MCC: variants seen among roughly 807,000 people sequenced by gnomAD.
MCC encodes MCC regulator of Wnt signaling pathway, also known as colorectal mutant cancer protein.
Under a neutral mutation model 116.2 loss-of-function variants are expected in MCC, and 90 were observed. That is an observed-to-expected ratio of 0.77 (90% confidence interval 0.65 to 0.92). The LOEUF (loss-of-function observed/expected upper bound fraction) is 0.92. Among genes scored for constraint, MCC ranks in the 40% least tolerant of loss-of-function variants. The pLI, the probability that MCC is intolerant of heterozygous loss-of-function variation, is 0.00. For synonymous variants in MCC, 578 were observed against 510.5 expected, an observed-to-expected ratio of 1.13 and a Z score of -1.78; for missense variants, 1,516 against 1,312.2, an observed-to-expected ratio of 1.16 and a Z score of -2.40.
intron 8 of MCC, among the ~76,000 whole-genome samples, chr5:113,094,423 CTTTTTTTT>C (rs397798890): frequency 7.4e-6 from 1 of 134,766 alleles, no homozygotes; most frequent in Admixed American, 7.4e-5. Context: ...GGCAATCTTC[CTTTTTTTT>C]TTTTTTTTGA....
At chr5:113,408,558 G>A (rs147729647) in intron 1 of MCC, among the ~76,000 whole-genome samples, 48 of 152,276 alleles carry the variant, frequency 3.2e-4, no homozygotes, top group African/African-American at 1.1e-3. Context: ...TAGCGCTGAG[G>A]TTCTTAAAAT....
intron 5 of MCC, among the ~76,000 whole-genome samples, chr5:113,136,402 T>C (rs1174337890): frequency 6.6e-6 from 1 of 152,228 alleles, no homozygotes; most frequent in African/African-American, 2.4e-5. Context: ...AGACATCTTC[T>C]GATAAGATTC....
In MCC at chr5:113,457,635, T is replaced by C. The variant is rs1010807019; in HGVS notation, c.170+30610A>G. 1.9e-3 allele frequency among the ~76,000 whole-genome samples: 294 copies of C among 152,238 alleles called. 1 individual carries two copies. Among genetic ancestry groups the C allele is most frequent in the African/African-American group, 6.8e-3 (284 of 41,510 alleles). On this transcript the variant is annotated intron_variant, in intron 1 of 18. Coordinates refer to ENST00000408903, the MANE Select transcript of MCC (RefSeq NM_001085377.2). ...AGTCTGGTGGGGCCTTGGAGAACCT[T>C]TATGTCTAGCTCAGGGATTGTAAAT...
At chr5:113,122,439 C>A (rs140158686) in intron 6 of MCC, among the ~76,000 whole-genome samples, 1 of 152,152 alleles carries the variant, frequency 6.6e-6, no homozygotes, top group Non-Finnish European at 1.5e-5. Context: ...AAACTGGTTC[C>A]CTACTTCCAG....
At chr5:113,207,482 A>G (rs1762960990) in intron 3 of MCC, among the ~76,000 whole-genome samples, 1 of 151,984 alleles carries the variant, frequency 6.6e-6, no homozygotes. Flanking sequence ...GGGCGGGGGC[A>G]GTGTATCTGG....
Position 113,454,699 on chromosome 5 carries a change from A to C in MCC, c.170+33546T>G, listed in dbSNP as rs578198194. ...TTGCTCTATAAGGACAGACTTAAAG[A>C]AGTCCATCAACTATAAAATTTATTA... is the stretch of plus-strand genomic sequence containing the variant. On this transcript the variant is annotated intron_variant, in intron 1 of 18. Transcript: ENST00000408903. 4.2e-4 allele frequency among the ~76,000 whole-genome samples: 64 copies of C among 152,348 alleles called. No individual in the cohort carries two copies. In the Middle Eastern group the frequency reaches 0.01, roughly 24 times the overall value.
chr5:113,214,071 A>C (rs906257514), intron 3 of MCC, among the ~76,000 whole-genome samples: 2 of 151,742 alleles, frequency 1.3e-5, no homozygotes, highest in Admixed American at 1.3e-4. Context: ...CCCTCCTCCC[A>C]CCCCTGTCCC....
chr5:113,453,899 T>C (rs969342852), intron 1 of MCC, among the ~76,000 whole-genome samples: 26 of 152,006 alleles, frequency 1.7e-4, no homozygotes, highest in African/African-American at 6.0e-4. Flanking sequence ...TCACCTGAGG[T>C]TGGGAGTTCG....
chr5:113,308,608 A>G (rs907633813), intron 3 of MCC, among the ~76,000 whole-genome samples: 1 of 152,174 alleles, frequency 6.6e-6, no homozygotes, highest in African/African-American at 2.4e-5. Context: ...GGATTGCTTG[A>G]GCCCAGGAGT....
At chr5:113,133,040 G>C (rs910835833) in intron 5 of MCC, among the ~76,000 whole-genome samples, 1 of 151,912 alleles carries the variant, frequency 6.6e-6, no homozygotes. Flanking sequence ...GGATAGATAC[G>C]TATTTTCAGG....
intron 3 of MCC, among the ~76,000 whole-genome samples, chr5:113,217,260 T>C (rs150422160): frequency 5.3e-5 from 8 of 152,232 alleles, no homozygotes; most frequent in Non-Finnish European, 1.0e-4. Flanking sequence ...CTAGTGGTGA[T>C]ACTAAATTGA....
chr5:113,108,153 T>A (rs1057377239), intron 6 of MCC, among the ~76,000 whole-genome samples: 3 of 151,622 alleles, frequency 2.0e-5, no homozygotes, highest in South Asian at 2.1e-4. Context: ...AAGACTGGCC[T>A]GGCCAATATT....
intron 3 of MCC, among the ~76,000 whole-genome samples, chr5:113,329,198 A>G (rs762297803): frequency 3.3e-5 from 5 of 152,192 alleles, no homozygotes; most frequent in Non-Finnish European, 5.9e-5. Flanking sequence ...TAAATCCCCA[A>G]TGAATATTAG....
chr5:113,078,692 A>G (rs182271229), intron 11 of MCC, among the ~76,000 whole-genome samples: 1 of 152,350 alleles, frequency 6.6e-6, no homozygotes, highest in African/African-American at 2.4e-5. Context: ...ACAAACCCAC[A>G]GCCAATATCA....
chr5:113,420,352 C>A (rs1461485922), intron 1 of MCC, among the ~76,000 whole-genome samples: 1 of 152,054 alleles, frequency 6.6e-6, no homozygotes. Context: ...ACAGCATTTG[C>A]CACTTGTAAA....
At chr5:113,276,572 C>T (rs1295693742) in intron 3 of MCC, among the ~76,000 whole-genome samples, 1 of 152,156 alleles carries the variant, frequency 6.6e-6, no homozygotes, top group Non-Finnish European at 1.5e-5. Context: ...CATACTTACT[C>T]AGTCGTTAAC....
At chr5:113,148,934 T>TA (rs2150289857) in intron 4 of MCC, among the ~76,000 whole-genome samples, 1 of 152,238 alleles carries the variant, frequency 6.6e-6, no homozygotes, top group South Asian at 2.1e-4. Context: ...CACAGGTAAG[T>TA]AAAAAAAGAG....
In MCC at chr5:113,281,316, G is replaced by A. The variant is rs182900953; in HGVS notation, c.627+59203C>T. Among the ~76,000 whole-genome samples the A allele has an allele frequency of 1.5e-3, 232 of 152,120 alleles. 3 individuals are homozygous for A. Among genetic ancestry groups the A allele is most frequent in the Non-Finnish European group, 2.9e-3 (198 of 67,974 alleles). On this transcript the variant is annotated intron_variant, in intron 3 of 18. Coordinates refer to ENST00000408903, the MANE Select transcript of MCC (RefSeq NM_001085377.2). Reference sequence around the variant, plus strand: ...GTGCATCACTGATAAAACTTCTACAGTAATTCACAAAGTGTGCATCACTGA... The same window carrying A: ...GTGCATCACTGATAAAACTTCTACAATAATTCACAAAGTGTGCATCACTGA...
In MCC at chr5:113,414,035, T is replaced by C. The variant is rs1260186896; in HGVS notation, c.171-28823A>G. ...TGCCTTCATTTTGTTATTTACCTAGTAGTCATTCAGGAGCAGGTTGTTCAG... is the reference window on the plus strand; with the variant it reads ...TGCCTTCATTTTGTTATTTACCTAGCAGTCATTCAGGAGCAGGTTGTTCAG... On this transcript the variant is annotated intron_variant, in intron 1 of 18. Transcript: ENST00000408903. Among the ~76,000 whole-genome samples, 15 of 152,338 alleles carry C rather than the reference T, an allele frequency of 9.8e-5. No homozygotes were observed. The East Asian group carries it at 2.9e-3, about 29-fold the overall frequency.
Sources: allele counts gnomAD v4.1 joint callset (sites outside exome capture counted in the v4.1 genomes callset), GRCh38; gene constraint gnomAD v4.1.1; transcripts MANE v1.5; gene names NCBI Gene and HGNC (gene_info 2026-07-23, HGNC 2026-07-21).